Variants in PLEKHA4 observed in about 807,000 individuals in gnomAD.
PLEKHA4 encodes the protein pleckstrin homology domain containing A4, also known as pleckstrin homology domain-containing family A member 4.
A neutral mutation model predicts 94.7 loss-of-function variants in PLEKHA4; 73 were observed. The ratio of observed to expected loss-of-function variants is 0.77; its 90% CI spans 0.64 to 0.94. The LOEUF is 0.94. Ranked by LOEUF, PLEKHA4 falls within the 40% of genes least tolerant of loss-of-function variation. The pLI, the probability that PLEKHA4 is intolerant of heterozygous loss-of-function variation, is 0.00. For synonymous variants in PLEKHA4, 449 were observed against 437.1 expected (o/e 1.03, Z -0.34); for missense variants, 1,049 against 1,054.1 (o/e 1.00, Z 0.07).
At chr19:48,852,021 TA>T (rs1231161580) in intron 13 of PLEKHA4, among the ~76,000 whole-genome samples, 1 of 152,086 alleles carries the variant, frequency 6.6e-6, no homozygotes, top group Non-Finnish European at 1.5e-5. Context: ...GAAGCTTAAT[TA>T]AAATTTTAAT....
chr19:48,845,688 T>TA, intron 14 of PLEKHA4, 72 bp from the exon 15 acceptor site: 1 of 1,246,866 alleles, frequency 8.0e-7, no homozygotes, highest in Non-Finnish European at 1.1e-6. Context: ...TTGCAAGCAT[T>TA]TAGGCATTGG....
At chr19:48,842,782 C>A (rs1335847976) in intron 16 of PLEKHA4, among the ~76,000 whole-genome samples, 1 of 152,202 alleles carries the variant, frequency 6.6e-6, no homozygotes, top group Non-Finnish European at 1.5e-5. Flanking sequence ...GTGCAGTGGT[C>A]CTCACCCTCA....
intron 16 of PLEKHA4, chr19:48,844,349 T>C (rs929475947): frequency 1.9e-6 from 1 of 531,678 alleles, no homozygotes; most frequent in Admixed American, 6.4e-5. Flanking sequence ...AGACAGGGTT[T>C]TCACCATGTT....
At position 48,848,441 on chromosome 19, in the gene PLEKHA4, C is replaced by G. The variant is rs1198038322; in HGVS notation, c.1426-401G>C. On this transcript the variant is annotated intron_variant, in intron 13 of 19. Transcript: ENST00000263265. The stretch of plus-strand genomic sequence containing the variant: ...GCGGAGCTTGCAGTGAGCCGAGATC[C>G]CGCCACTGCACTCCAGCCTGGGCGA... 7.6e-5 allele frequency among the ~76,000 whole-genome samples: 11 copies of G among 144,668 alleles called. No homozygotes were observed. In the East Asian group the frequency reaches 2.3e-3, roughly 30 times the overall value. 94.9% of individuals were successfully genotyped at this position (144,668 alleles called of 152,430 possible).
At chr19:48,839,945 C>CAA (rs111593297) in intron 17 of PLEKHA4, among the ~76,000 whole-genome samples, 9,716 of 139,476 alleles carry the variant, frequency 0.07, 827 homozygotes, top group African/African-American at 0.21. Context: ...ACTAAAAATA[C>CAA]AAAAAAAAAA....
At chr19:48,858,779 G>T in intron 8 of PLEKHA4, 81 bp downstream of exon 8, 2 of 1,487,320 alleles carry the variant, frequency 1.3e-6, no homozygotes, top group African/African-American at 1.4e-5. Context: ...CACCCAGGGA[G>T]CAATGGCCTT....
At chr19:48,854,342 G>A in intron 9 of PLEKHA4, 78 bp from the exon 10 acceptor site, 1 of 1,228,384 alleles carries the variant, frequency 8.1e-7, no homozygotes, top group Non-Finnish European at 1.2e-6. Flanking sequence ...GCCACGCCCT[G>A]TCTCTACTGA....
In PLEKHA4 at chr19:48,861,392, T is replaced by G. The variant is rs776170273; in HGVS notation, c.366+9A>C. ...TCGCCTGGTGCACAACATGGATGGA[T>G]GGACTCACGGTGAAGGTGAAGCGCC... On this transcript the variant is annotated intron_variant, in intron 5 of 19. Transcript: ENST00000263265. 7 of 1,609,982 alleles carry G rather than the reference T, an allele frequency of 4.3e-6. No homozygotes were observed. The East Asian group carries it at 1.6e-4, about 36-fold the overall frequency.
chr19:48,853,997 G>C lies in PLEKHA4; in HGVS notation c.1176+10C>G. ...GCCAGGCGCCCTGTCCTTGGCCCAG[G>C]GCCCCGCACCTTCTCCTCCTGCTTC... is the stretch of plus-strand genomic sequence containing the variant. On this transcript the variant is annotated intron_variant, in intron 11 of 19. Coordinates refer to ENST00000263265, the MANE Select transcript of PLEKHA4 (RefSeq NM_020904.3). The C allele has an allele frequency of 6.2e-7, 1 of 1,613,986 alleles. No homozygotes were observed. The highest frequency in any genetic ancestry group is 8.5e-7 in the Non-Finnish European group (1 of 1,179,910).
chr19:48,865,572 C>T lies in PLEKHA4; in HGVS notation c.123G>A (p.Gly41=). The change falls in exon 3 of 20, where the codon GGG becomes GGA. Residue 41 remains glycine, a synonymous_variant. Transcript: ENST00000263265. ...CCCTCCTGAGCGCATTGCCTCTCTT[C>T]CCAAAGGCGTGGATCTTGTTTACTG... The part of the protein sequence containing the change: ...TRAVNKIHAF[G]KRGNALRRDP... The T allele has an allele frequency of 1.2e-6, 2 of 1,614,032 alleles. No individual in the cohort carries two copies.
chr19:48,839,411 C>A, intron 17 of PLEKHA4, 148 bp from the exon 18 acceptor site: 3 of 477,944 alleles, frequency 6.3e-6, no homozygotes. Context: ...CTTCTGTAGG[C>A]ACTGAATTTT....
At chr19:48,856,246 G>A (rs555461694) in intron 9 of PLEKHA4, among the ~76,000 whole-genome samples, 58 of 150,428 alleles carry the variant, frequency 3.9e-4, no homozygotes, top group Non-Finnish European at 7.0e-4. Flanking sequence ...AGGAAAGAAC[G>A]AGGAGGGGAG....
At chr19:48,840,980 A>G (rs1255271623) in intron 17 of PLEKHA4, among the ~76,000 whole-genome samples, 169 bp downstream of exon 17, 3 of 148,254 alleles carry the variant, frequency 2.0e-5, no homozygotes, top group Non-Finnish European at 4.4e-5. Flanking sequence ...ACCCACCACT[A>G]TCCAGGCGAG....
intron 3 of PLEKHA4, among the ~76,000 whole-genome samples, chr19:48,862,176 G>A (rs1242055114): frequency 6.6e-6 from 1 of 150,726 alleles, no homozygotes; most frequent in Non-Finnish European, 1.5e-5. Context: ...GAATAGAATA[G>A]TAGCCCTACT....
At chr19:48,844,171 T>G (rs1198485650) in intron 16 of PLEKHA4, among the ~76,000 whole-genome samples, 3 of 146,918 alleles carry the variant, frequency 2.0e-5, no homozygotes, top group African/African-American at 7.5e-5. Context: ...ATTATTATTT[T>G]CGAGACAGAG....
Position 48,848,796 on chromosome 19 carries a change from C to CA in PLEKHA4, c.1426-757dup, listed in dbSNP as rs34068951. On this transcript the variant is annotated intron_variant, in intron 13 of 19. Transcript: ENST00000263265. ...TGTGCAACAGAGCGAGACACTGTCTCAAAAAAAAAAAAAAGAAAAAGAAAA... is the reference window on the plus strand; with the variant it reads ...TGTGCAACAGAGCGAGACACTGTCTCAAAAAAAAAAAAAAAGAAAAAGAAAA... Among the ~76,000 whole-genome samples the CA allele has an allele frequency of 8.1e-3, 866 of 107,130 alleles. 5 individuals are homozygous for CA. The highest frequency in any genetic ancestry group is 0.022 in the African/African-American group (682 of 30,638). The allele number at this position is 107,130 out of a possible 152,430, so 70.3% of individuals were successfully genotyped here. A position where few individuals can be genotyped will look rare whatever the true frequency, so the allele number is the denominator to read the frequency against.
chr19:48,856,953 A>G (rs200146231), intron 9 of PLEKHA4, among the ~76,000 whole-genome samples: 1,354 of 92,730 alleles, frequency 0.015, 27 homozygotes, highest in African/African-American at 0.14. Flanking sequence ...AAGAAAGAGA[A>G]AGAAAGAAAG....
intron 9 of PLEKHA4, among the ~76,000 whole-genome samples, chr19:48,856,254 G>A (rs1266278749): frequency 1.3e-5 from 2 of 150,856 alleles, no homozygotes; most frequent in Non-Finnish European, 3.0e-5. Context: ...ACGAGGAGGG[G>A]AGGGGAAGGG....
chr19:48,862,602 G>A (rs938228608), intron 3 of PLEKHA4, among the ~76,000 whole-genome samples: 10 of 150,168 alleles, frequency 6.7e-5, no homozygotes, highest in Admixed American at 2.0e-4. Flanking sequence ...TCCGCCTCCC[G>A]GGTTCACGCC....
Sources: gnomAD v4.1 joint callset for allele counts (sites outside exome capture counted in the v4.1 genomes callset) on GRCh38, gnomAD v4.1.1 for gene constraint, MANE v1.5 for transcripts, NCBI Gene and HGNC (gene_info 2026-07-23, HGNC 2026-07-21) for gene names.